The following SASS6 variants were observed in gnomAD, a reference collection of about 807,000 sequenced individuals.
SASS6 encodes the protein SAS-6 centriolar assembly protein.
A neutral mutation model predicts 94.9 loss-of-function variants in SASS6; 59 were observed. That is an observed-to-expected ratio of 0.62 (90% confidence interval 0.50 to 0.77). The LOEUF (loss-of-function observed/expected upper bound fraction) is 0.77. SASS6 is among the 30% of genes least tolerant of loss of function. SASS6 has a pLI of 0.00. For missense variants in SASS6, 698 were observed against 734.1 expected (o/e 0.95, Z 0.57); for synonymous variants, 264 against 270.0 (o/e 0.98, Z 0.22).
At chr1:100,113,891 G>A (rs980416481) in intron 7 of SASS6, among the ~76,000 whole-genome samples, 2 of 151,918 alleles carry the variant, frequency 1.3e-5, no homozygotes, top group African/African-American at 4.8e-5. Flanking sequence ...ACATACAATG[G>A]CACACACCAG....
In SASS6 at chr1:100,132,827, C is replaced by T. The variant is rs745932591; in HGVS notation, c.-13G>A. The T allele has an allele frequency of 1.2e-6, 2 of 1,613,454 alleles. No homozygotes were observed. Among genetic ancestry groups the T allele is most frequent in the Admixed American group, 1.7e-5 (1 of 60,028 alleles). On this transcript the variant is annotated 5_prime_UTR_variant, in exon 1 of 17. Transcript: ENST00000287482. ...GCACTTGGCTCATGTTGGCTCGCTG[C>T]CTCGGCTGGTGTGCAGAAAAGCCCA...
intron 7 of SASS6, 97 bp downstream of exon 7, chr1:100,118,921 T>C (rs1344093397): frequency 1.2e-6 from 1 of 808,108 alleles, no homozygotes; most frequent in South Asian, 3.0e-5. Context: ...TTCTGTAACG[T>C]TTGGAAAATT....
At chr1:100,130,099 C>G (rs1451378926) in intron 1 of SASS6, among the ~76,000 whole-genome samples, 1 of 152,168 alleles carries the variant, frequency 6.6e-6, no homozygotes, top group Non-Finnish European at 1.5e-5. Context: ...GGAAATTGTA[C>G]AAGATCTGTC....
chr1:100,097,636 G>A (rs146637205), intron 14 of SASS6, among the ~76,000 whole-genome samples: 1 of 151,936 alleles, frequency 6.6e-6, no homozygotes, highest in African/African-American at 2.4e-5. Context: ...ATCACCCTGA[G>A]CAACATGGTG....
intron 7 of SASS6, among the ~76,000 whole-genome samples, chr1:100,117,361 TAAC>T (rs1384251808): frequency 3.5e-5 from 5 of 141,998 alleles, no homozygotes; most frequent in Non-Finnish European, 7.7e-5. Flanking sequence ...CAGTAGAAAA[TAAC>T]AACCACAGCT....
At chr1:100,094,758 C>T (rs576443783) in intron 14 of SASS6, among the ~76,000 whole-genome samples, 9 of 151,390 alleles carry the variant, frequency 5.9e-5, no homozygotes, top group South Asian at 2.1e-4. Flanking sequence ...CCCAGCTACT[C>T]GGGAGGCTGC....
At chr1:100,110,712 CTTG>C (rs2101668686) in intron 7 of SASS6, among the ~76,000 whole-genome samples, 1 of 151,970 alleles carries the variant, frequency 6.6e-6, no homozygotes, top group African/African-American at 2.4e-5. Context: ...CCACCATGAT[CTTG>C]TTCATAATTT....
chr1:100,102,929 G>C (rs377569210), intron 14 of SASS6, 26 bp downstream of exon 14: 3 of 1,579,550 alleles, frequency 1.9e-6, no homozygotes, highest in Non-Finnish European at 2.6e-6. Context: ...TTTTTTCCCA[G>C]AACAAGTATT....
Position 100,085,633 on chromosome 1 carries a change from TAAA to T in SASS6, c.1773-6_1773-4del. The T allele has an allele frequency of 1.3e-6, 2 of 1,570,560 alleles. No homozygotes were observed. The highest frequency in any genetic ancestry group is 3.4e-5 in the Admixed American group (2 of 59,070). On this transcript the variant is annotated splice_polypyrimidine_tract_variant and splice_region_variant and intron_variant, in intron 15 of 16. Coordinates refer to ENST00000287482, the MANE Select transcript of SASS6 (RefSeq NM_194292.3). ...ATTCCAACCCTACATTTTCACCACT[TAAA>T]AAGAAAATGGTAATAACTTATTTAA...
At position 100,106,011 on chromosome 1, in the gene SASS6, C is replaced by A. The variant is rs531023892; in HGVS notation, c.1409-108G>T. Reference sequence around the variant, plus strand: ...AAGATTTTTAAATTATAAGTTTTTACAACTACCTGACATCACAGGAGAGCA... The same window carrying A: ...AAGATTTTTAAATTATAAGTTTTTAAAACTACCTGACATCACAGGAGAGCA... On this transcript the variant is annotated intron_variant, in intron 12 of 16. Coordinates refer to ENST00000287482, the MANE Select transcript of SASS6 (RefSeq NM_194292.3). 160 of 735,838 alleles carry A rather than the reference C, an allele frequency of 2.2e-4. No homozygotes were observed. The South Asian group carries it at 4.7e-3, about 21-fold the overall frequency. The allele number at this position is 735,838 out of a possible 1,614,324, so 45.6% of individuals were successfully genotyped here.
At chr1:100,097,839 GAAGA>G (rs1312830532) in intron 14 of SASS6, among the ~76,000 whole-genome samples, 1 of 151,992 alleles carries the variant, frequency 6.6e-6, no homozygotes, top group Non-Finnish European at 1.5e-5. Flanking sequence ...CAAAAAAAAA[GAAGA>G]AAGACACACA....
chr1:100,096,406 TA>T (rs1206373167), intron 14 of SASS6, among the ~76,000 whole-genome samples: 1 of 152,198 alleles, frequency 6.6e-6, no homozygotes, highest in Non-Finnish European at 1.5e-5. Context: ...ATCACAGATC[TA>T]AATGTAACAA....
chr1:100,083,713 C>T lies in SASS6; in HGVS notation c.*1615G>A, dbSNP rs929393542. 3 of 151,972 alleles carry T rather than the reference C, an allele frequency of 2.0e-5. No homozygotes were observed. The highest frequency in any genetic ancestry group is 4.4e-5 in the Non-Finnish European group (3 of 67,914). 9.4% of individuals were successfully genotyped at this position (151,972 alleles called of 1,614,324 possible). On this transcript the variant is annotated 3_prime_UTR_variant, in exon 17 of 17. Coordinates refer to ENST00000287482, the MANE Select transcript of SASS6 (RefSeq NM_194292.3). ...AAGTTTAGGAGGTAAAGAATTAGCA[C>T]ACTTGGAAGTCTGTATACATTTAAT...
In SASS6 at chr1:100,132,910, T is replaced by C; in HGVS notation, c.-96A>G. 1 of 1,249,244 alleles carries C rather than the reference T, an allele frequency of 8.0e-7. No homozygotes were observed. The highest frequency in any genetic ancestry group is 1.2e-6 in the Non-Finnish European group (1 of 864,406). The allele number at this position is 1,249,244 out of a possible 1,614,324, so 77.4% of individuals were successfully genotyped here. A position where few individuals can be genotyped will look rare whatever the true frequency, so the allele number is the denominator to read the frequency against. On this transcript the variant is annotated 5_prime_UTR_variant, in exon 1 of 17. Coordinates refer to ENST00000287482, the MANE Select transcript of SASS6 (RefSeq NM_194292.3). ...TCCGGGTCCTGATAAAGTTTGAGTT[T>C]GGCGCTCGGCTTCTGCGGAGGAGGC...
At chr1:100,101,004 A>G (rs1457750848) in intron 14 of SASS6, among the ~76,000 whole-genome samples, 2 of 152,094 alleles carry the variant, frequency 1.3e-5, no homozygotes, top group Non-Finnish European at 2.9e-5. Context: ...TATTAATAAT[A>G]TAACATTTAC....
rs895369400 is a variant in SASS6, at chr1:100,129,229, C to T, written c.66-3287G>A. Among the ~76,000 whole-genome samples the T allele has an allele frequency of 2.6e-5, 4 of 151,150 alleles. No individual in the cohort carries two copies. In the South Asian group the frequency reaches 8.4e-4, roughly 32 times the overall value. ...TCTAGCCTGGGCAACAGAGTGACAG[C>T]CTCTCTCTAAAAAAAAAAAAATAAT... On this transcript the variant is annotated intron_variant, in intron 1 of 16. Transcript: ENST00000287482.
intron 15 of SASS6, 39 bp downstream of exon 15, chr1:100,088,100 A>C: frequency 1.7e-6 from 2 of 1,146,226 alleles, no homozygotes; most frequent in Non-Finnish European, 2.6e-6. Flanking sequence ...ATGGCCTTCA[A>C]AATTGCAAAC....
chr1:100,102,068 G>C (rs1038788852), intron 14 of SASS6, among the ~76,000 whole-genome samples: 3 of 152,120 alleles, frequency 2.0e-5, no homozygotes, highest in Admixed American at 6.5e-5. Context: ...GGTCTGGGTG[G>C]ATTAAACTAT....
chr1:100,122,341 G>T, intron 4 of SASS6, 39 bp downstream of exon 4: 1 of 885,704 alleles, frequency 1.1e-6, no homozygotes, highest in South Asian at 1.5e-5. Flanking sequence ...AGTCTGTCTT[G>T]AATTAAATTT....
Sources: gnomAD v4.1 joint callset for allele counts (sites outside exome capture counted in the v4.1 genomes callset) on GRCh38, gnomAD v4.1.1 for gene constraint, MANE v1.5 for transcripts, NCBI Gene and HGNC (gene_info 2026-07-23, HGNC 2026-07-21) for gene names.